PCSK5: variants seen among roughly 807,000 people sequenced by gnomAD.
PCSK5 encodes the protein proprotein convertase subtilisin/kexin type 5.
In PCSK5, 129 loss-of-function variants were observed where a neutral mutation model predicts 233.2. The ratio of observed to expected loss-of-function variants is 0.55; its 90% CI spans 0.48 to 0.64. The LOEUF (loss-of-function observed/expected upper bound fraction) is 0.64, where lower values mean the gene tolerates loss of function less well. Among genes scored for constraint, PCSK5 ranks in the 30% least tolerant of loss-of-function variants. The pLI, the probability that PCSK5 is intolerant of heterozygous loss-of-function variation, is 0.00. For synonymous variants in PCSK5, 825 were observed against 879.2 expected (o/e 0.94, Z 1.09); for missense variants, 2,076 against 2,430.1 (o/e 0.85, Z 3.06).
At chr9:76,240,355 G>A (rs1826390557) in intron 23 of PCSK5, among the ~76,000 whole-genome samples, 2 of 152,158 alleles carry the variant, frequency 1.3e-5, no homozygotes, top group South Asian at 4.1e-4. Flanking sequence ...TAAAATCAAT[G>A]AGCTTGACTT....
At chr9:76,347,618 C>A (rs906065809) in intron 35 of PCSK5, among the ~76,000 whole-genome samples, 3 of 152,128 alleles carry the variant, frequency 2.0e-5, no homozygotes, top group Non-Finnish European at 4.4e-5. Flanking sequence ...TGGCCAGGTG[C>A]AGTGGCTCAC....
intron 1 of PCSK5, among the ~76,000 whole-genome samples, chr9:75,913,426 G>A (rs1822844596): frequency 6.6e-6 from 1 of 152,134 alleles, no homozygotes; most frequent in Non-Finnish European, 1.5e-5. Flanking sequence ...TTGATATTTA[G>A]TGTCACGTAT....
At chr9:76,323,356 G>C in intron 32 of PCSK5, 68 bp downstream of exon 32, 1 of 884,292 alleles carries the variant, frequency 1.1e-6, no homozygotes, top group Non-Finnish European at 1.8e-6. Context: ...CCCAGCGCCA[G>C]AGCTGTCATC....
chr9:76,045,285 G>A (rs371945732), intron 5 of PCSK5, among the ~76,000 whole-genome samples: 1 of 152,146 alleles, frequency 6.6e-6, no homozygotes, highest in African/African-American at 2.4e-5. Flanking sequence ...TCGGAGATTA[G>A]ACTATGCTCT....
chr9:76,169,852 C>T lies in PCSK5; in HGVS notation c.1756+12C>T, dbSNP rs1382299161. ...CTTTAAGACTCCAGGTGAGAACTCC[C>T]TTTCTATACATTGTTCTACTGTGTA... On this transcript the variant is annotated intron_variant, in intron 13 of 37. Transcript: ENST00000674117. 6 of 1,610,146 alleles carry T rather than the reference C, an allele frequency of 3.7e-6. No homozygotes were observed. The South Asian group carries it at 5.5e-5, about 15-fold the overall frequency.
At chr9:76,116,122 A>G (rs1832414396) in intron 9 of PCSK5, among the ~76,000 whole-genome samples, 1 of 152,124 alleles carries the variant, frequency 6.6e-6, no homozygotes, top group African/African-American at 2.4e-5. Flanking sequence ...AGGAAAATAA[A>G]AATGACAGAT....
chr9:76,066,064 TTTTA>T (rs1333799282), intron 5 of PCSK5, among the ~76,000 whole-genome samples: 1 of 152,128 alleles, frequency 6.6e-6, no homozygotes, highest in Non-Finnish European at 1.5e-5. Context: ...TTTTAGTATA[TTTTA>T]AAGTCTTCAG....
intron 8 of PCSK5, among the ~76,000 whole-genome samples, chr9:76,099,536 C>A (rs960953696): frequency 1.3e-5 from 2 of 152,040 alleles, no homozygotes; most frequent in African/African-American, 2.4e-5. Flanking sequence ...TAAAACACTG[C>A]GATCTGTTCC....
chr9:76,346,604 ATT>A (rs2131511386), intron 35 of PCSK5, among the ~76,000 whole-genome samples: 1 of 152,122 alleles, frequency 6.6e-6, no homozygotes, highest in East Asian at 1.9e-4. Context: ...TTTTCATATA[ATT>A]CTTTGCAGTG....
chr9:75,928,596 CATATATATATATATATATAT>C (rs61537466), intron 1 of PCSK5, among the ~76,000 whole-genome samples: 175 of 68,422 alleles, frequency 2.6e-3, no homozygotes, highest in African/African-American at 3.3e-3. Flanking sequence ...CATATAAATA[CATATATATATATATATATAT>C]ATATATATAT....
At chr9:76,327,035 G>A (rs1829382163) in intron 32 of PCSK5, among the ~76,000 whole-genome samples, 1 of 151,952 alleles carries the variant, frequency 6.6e-6, no homozygotes, top group Non-Finnish European at 1.5e-5. Context: ...GGGAGGCCAA[G>A]GCAGGAAAAT....
In PCSK5 at chr9:76,329,113, C is replaced by T. The variant is rs142054453; in HGVS notation, c.4570+874C>T. 3.5e-3 allele frequency among the ~76,000 whole-genome samples: 536 copies of T among 151,760 alleles called. 2 individuals carry two copies. The highest frequency in any genetic ancestry group is 0.012 in the African/African-American group (505 of 41,346). On this transcript the variant is annotated intron_variant, in intron 33 of 37. Coordinates refer to ENST00000674117, the MANE Select transcript of PCSK5 (RefSeq NM_001372043.1). ...GGATTACAGGTGTGAGCCACTGCGC[C>T]CGGCCACTTTTTTGTTTGTTTGTTT...
At chr9:76,295,032 T>C (rs1033981743) in intron 25 of PCSK5, among the ~76,000 whole-genome samples, 6 of 152,006 alleles carry the variant, frequency 3.9e-5, no homozygotes, top group African/African-American at 1.2e-4. Context: ...TGTGCACCTG[T>C]AATCCCAGCT....
intron 10 of PCSK5, among the ~76,000 whole-genome samples, chr9:76,139,017 A>G (rs1276883512): frequency 2.0e-5 from 3 of 151,958 alleles, no homozygotes; most frequent in African/African-American, 4.8e-5. Context: ...GGGGAAAACA[A>G]TTGACAGTCT....
intron 2 of PCSK5, among the ~76,000 whole-genome samples, chr9:75,965,595 A>T (rs976433066): frequency 3.4e-4 from 51 of 152,108 alleles, no homozygotes; most frequent in African/African-American, 1.2e-3. Flanking sequence ...CACATTGGGG[A>T]TGGCAATTCA....
intron 1 of PCSK5, among the ~76,000 whole-genome samples, chr9:75,914,116 G>A (rs1052680976): frequency 2.0e-5 from 3 of 152,238 alleles, no homozygotes; most frequent in South Asian, 4.1e-4. Flanking sequence ...TCACAAATTC[G>A]CTGTATCATC....
chr9:75,995,193 A>G (rs1184948923), intron 3 of PCSK5, among the ~76,000 whole-genome samples: 1 of 152,140 alleles, frequency 6.6e-6, no homozygotes. Flanking sequence ...CTTTTTGTGT[A>G]CTTAATGCAG....
chr9:76,233,535 C>G lies in PCSK5; in HGVS notation c.2805C>G (p.Cys935Trp). ...AATTTGAGAACCAATGCCATCCATG[C>G]CACCACACCTGCCAGAGATGCCAAG... ...KFEFENQCHP[C>W]HHTCQRCQGS... The change falls in exon 22 of 38, where the codon TGC becomes TGG. Residue 935 changes from cysteine (C) to tryptophan (W), a missense_variant. By Grantham distance (215) the Cys-to-Trp change is radical. Transcript: ENST00000674117. 1.2e-6 allele frequency: 2 copies of G among 1,612,406 alleles called. No homozygotes were observed. The highest frequency in any genetic ancestry group is 1.6e-4 in the Middle Eastern group (1 of 6,062).
rs187273138 is a variant in PCSK5 at position 76,192,857 on chromosome 9, A to G, written c.2626+3111A>G. On this transcript the variant is annotated intron_variant, in intron 20 of 37. Coordinates refer to ENST00000674117, the MANE Select transcript of PCSK5 (RefSeq NM_001372043.1). ...TACTTAAAATGATGGTGCATCTTAAATCTTGTGTCTTAGATTCAATGAAAT... is the reference window on the plus strand; with the variant it reads ...TACTTAAAATGATGGTGCATCTTAAGTCTTGTGTCTTAGATTCAATGAAAT... Among the ~76,000 whole-genome samples the G allele has an allele frequency of 4.0e-3, 611 of 152,266 alleles. 6 individuals are homozygous for G. Among genetic ancestry groups the G allele is most frequent in the African/African-American group, 0.013 (554 of 41,572 alleles).
Sources: gnomAD v4.1 joint callset for allele counts (sites outside exome capture counted in the v4.1 genomes callset) on GRCh38, gnomAD v4.1.1 for gene constraint, MANE v1.5 for transcripts, NCBI Gene and HGNC (gene_info 2026-07-23, HGNC 2026-07-21) for gene names.